The following NME9 variants were observed in gnomAD, a reference collection of about 807,000 sequenced individuals.
NME9 encodes the protein NME/NM23 family member 9.
In NME9, 48 loss-of-function variants were observed where a neutral mutation model predicts 44.4. That is an observed-to-expected ratio of 1.08 (90% confidence interval 0.86 to 1.37). The LOEUF (loss-of-function observed/expected upper bound fraction) is 1.37, where lower values mean the gene tolerates loss of function less well. NME9 is among the 40% of genes most tolerant of loss of function. The pLI is 0.00. For missense variants in NME9, 325 were observed against 405.2 expected, an observed-to-expected ratio of 0.80 and a Z score of 1.70; for synonymous variants, 139 against 147.1, an observed-to-expected ratio of 0.94 and a Z score of 0.40.
intron 1 of NME9, among the ~76,000 whole-genome samples, chr3:138,328,109 AT>A (rs2108472309): frequency 6.6e-6 from 1 of 152,312 alleles, no homozygotes; most frequent in East Asian, 1.9e-4. Flanking sequence ...GTTGATCAGA[AT>A]TTACTTCAAC....
intron 8 of NME9, among the ~76,000 whole-genome samples, chr3:138,281,364 C>T (rs60773756): frequency 0.015 from 2,224 of 151,614 alleles, 52 homozygotes; most frequent in African/African-American, 0.048. Flanking sequence ...GCGATATCGG[C>T]TCACTGCAAC....
intron 2 of NME9, among the ~76,000 whole-genome samples, chr3:138,322,485 G>GGTGTGTGTGT (rs10580643): frequency 1.8e-4 from 27 of 146,434 alleles, no homozygotes; most frequent in Non-Finnish European, 3.2e-4. Flanking sequence ...AAGAAAAAGG[G>GGTGTGTGTGT]GTGTGTGTGT....
At chr3:138,267,480 C>T (rs2048380819) in intron 8 of NME9, among the ~76,000 whole-genome samples, 1 of 152,160 alleles carries the variant, frequency 6.6e-6, no homozygotes, top group Non-Finnish European at 1.5e-5. Flanking sequence ...GATATTACAT[C>T]TTCAAGTCTA....
chr3:138,280,325 A>AT (rs1392766667), intron 8 of NME9, among the ~76,000 whole-genome samples: 3 of 148,860 alleles, frequency 2.0e-5, no homozygotes, highest in African/African-American at 4.9e-5. Context: ...TATTATTATT[A>AT]TATATATTTT....
rs1360940772 is a variant in NME9, at chr3:138,273,720, C to T, written c.746-11134G>A. Among the ~76,000 whole-genome samples the T allele has an allele frequency of 2.0e-5, 3 of 152,072 alleles. No individual in the cohort carries two copies. The South Asian group carries it at 6.2e-4, about 31-fold the overall frequency. ...CCCTTCTCTGTGCCCCACAAGTTGT[C>T]ATTATGCATTTATTCTCCAAGATAG... On this transcript the variant is annotated intron_variant, in intron 8 of 8. Coordinates refer to the NME9 transcript ENST00000317876.
intron 8 of NME9, among the ~76,000 whole-genome samples, chr3:138,264,423 T>C (rs1187189952): frequency 2.2e-5 from 3 of 137,692 alleles, no homozygotes; most frequent in Non-Finnish European, 4.7e-5. Context: ...TTTTTTTTTT[T>C]TTTTTTTTTT....
At chr3:138,261,603 C>T (rs1282674630) in exon 9 of NME9, 1 of 151,964 alleles carries the variant, frequency 6.6e-6, no homozygotes, top group Non-Finnish European at 1.5e-5. Context: ...ATGGACAGAG[C>T]CTTTATTGTA....
chr3:138,278,652 A>G (rs2049553532), intron 8 of NME9, among the ~76,000 whole-genome samples: 1 of 152,128 alleles, frequency 6.6e-6, no homozygotes, highest in Non-Finnish European at 1.5e-5. Flanking sequence ...ATTTGGGAGG[A>G]CGTGACATCT....
intron 8 of NME9, among the ~76,000 whole-genome samples, chr3:138,271,498 A>G (rs1027589907): frequency 2.6e-5 from 4 of 152,216 alleles, no homozygotes; most frequent in African/African-American, 9.6e-5. Flanking sequence ...ATTCTCTGAC[A>G]TGCACAACTT....
chr3:138,319,655 A>G, intron 2 of NME9, 74 bp from the exon 3 acceptor site: 1 of 769,216 alleles, frequency 1.3e-6, no homozygotes, highest in Non-Finnish European at 2.3e-6. Context: ...TTATACCTGT[A>G]CATTCTAACC....
At chr3:138,297,597 A>G (rs925395945), downstream of NME9, 1 of 152,104 alleles carries the variant, frequency 6.6e-6, no homozygotes. Flanking sequence ...ATTTAATGCA[A>G]TTTTTCCTGC....
intron 2 of NME9, 77 bp from the exon 3 acceptor site, chr3:138,319,658 T>C: frequency 2.7e-6 from 2 of 744,492 alleles, no homozygotes; most frequent in South Asian, 3.0e-5. Context: ...TACCTGTACA[T>C]TCTAACCCCC....
intron 8 of NME9, among the ~76,000 whole-genome samples, chr3:138,275,765 A>G (rs1033442693): frequency 1.3e-5 from 2 of 152,308 alleles, no homozygotes; most frequent in South Asian, 2.1e-4. Flanking sequence ...AGGAGCTGCA[A>G]TTGAATTTGT....
chr3:138,301,050 C>T lies in NME9; in HGVS notation c.*590G>A. On this transcript the variant is annotated 3_prime_UTR_variant, in exon 11 of 11. Coordinates refer to ENST00000333911, the MANE Select transcript of NME9 (RefSeq NM_001349018.2). ...TGGGGAAACACCATCTCATATAACC[C>T]AGTATCCTCTGAGATGACACTTATA... is the stretch of plus-strand genomic sequence containing the variant. 1.0e-6 allele frequency: 1 copy of T among 974,166 alleles called. No homozygotes were observed. The highest frequency in any genetic ancestry group is 1.2e-6 in the Non-Finnish European group (1 of 819,734). 60.3% of individuals were successfully genotyped at this position (974,166 alleles called of 1,614,324 possible).
At chr3:138,295,194 C>T (rs1025777042) in intron 8 of NME9, among the ~76,000 whole-genome samples, 3 of 152,176 alleles carry the variant, frequency 2.0e-5, no homozygotes, top group Non-Finnish European at 4.4e-5. Flanking sequence ...CCACAGCACC[C>T]GGCCTACATT....
chr3:138,299,054 C>T (rs1446255502), downstream of NME9, among the ~76,000 whole-genome samples: 2 of 152,210 alleles, frequency 1.3e-5, no homozygotes, highest in African/African-American at 4.8e-5. Flanking sequence ...GGGACTCCCA[C>T]CCCAGATCTT....
At chr3:138,296,541 T>TAAAAAAAAAG (rs1011570600), downstream of NME9, 1 of 149,340 alleles carries the variant, frequency 6.7e-6, no homozygotes, top group Admixed American at 6.7e-5. Context: ...TTTCTTTATA[T>TAAAAAAAAAG]AAAAAAAAAG....
At chr3:138,322,015 T>C (rs1253733391) in intron 2 of NME9, among the ~76,000 whole-genome samples, 1 of 151,558 alleles carries the variant, frequency 6.6e-6, no homozygotes. Context: ...AGCATCCACG[T>C]AGAGGATAAA....
intron 8 of NME9, chr3:138,264,148 C>T: frequency 6.2e-7 from 1 of 1,613,474 alleles, no homozygotes; most frequent in Non-Finnish European, 8.5e-7. Flanking sequence ...CACAGTTTAT[C>T]CAGATCTGTG....
Sources: gnomAD v4.1 joint callset for allele counts (sites outside exome capture counted in the v4.1 genomes callset) on GRCh38, gnomAD v4.1.1 for gene constraint, MANE v1.5 for transcripts, NCBI Gene and HGNC (gene_info 2026-07-23, HGNC 2026-07-21) for gene names.